The following SPIRE1 variants were observed in gnomAD, a reference collection of about 807,000 sequenced individuals.
The protein encoded by SPIRE1 is protein spire homolog 1.
A neutral mutation model predicts 94.1 loss-of-function variants in SPIRE1; 40 were observed. That is an observed-to-expected ratio of 0.43 (90% CI 0.33 to 0.55). The LOEUF is 0.55. Among genes scored for constraint, SPIRE1 ranks in the 20% least tolerant of loss-of-function variants. The pLI, the probability that SPIRE1 is intolerant of heterozygous loss-of-function variation, is 0.06. For missense variants in SPIRE1, 838 were observed against 975.2 expected (o/e 0.86, Z 1.87); for synonymous variants, 376 against 371.7 (o/e 1.01, Z -0.13).
At chr18:12,456,478 C>T (rs1321327112) in intron 12 of SPIRE1, among the ~76,000 whole-genome samples, 1 of 152,066 alleles carries the variant, frequency 6.6e-6, no homozygotes, top group African/African-American at 2.4e-5. Context: ...TGATGGCTAA[C>T]GATATGACAA....
chr18:12,467,290 C>T (rs998486371), intron 10 of SPIRE1, among the ~76,000 whole-genome samples: 1 of 151,962 alleles, frequency 6.6e-6, no homozygotes, highest in Non-Finnish European at 1.5e-5. Flanking sequence ...AAAACAAAAA[C>T]CAAAAAACCC....
At chr18:12,550,400 C>T (rs1567926930) in intron 2 of SPIRE1, among the ~76,000 whole-genome samples, 1 of 151,980 alleles carries the variant, frequency 6.6e-6, no homozygotes, top group East Asian at 1.9e-4. Flanking sequence ...GTTATTTCTT[C>T]TTTTTTTTCT....
intron 6 of SPIRE1, among the ~76,000 whole-genome samples, chr18:12,496,756 C>A (rs1018384913): frequency 4.6e-5 from 7 of 152,126 alleles, no homozygotes; most frequent in Non-Finnish European, 5.9e-5. Context: ...GTAGTCCCAG[C>A]TACTCAGGAG....
intron 4 of SPIRE1, among the ~76,000 whole-genome samples, chr18:12,520,841 A>G (rs1441893966): frequency 2.0e-5 from 3 of 152,170 alleles, no homozygotes; most frequent in African/African-American, 7.2e-5. Context: ...TGATTAAAAT[A>G]CCCTTCAATC....
In SPIRE1 at chr18:12,446,626, C is replaced by G. The variant is rs188493531; in HGVS notation, c.*3012G>C. 4 of 152,154 alleles carry G rather than the reference C, an allele frequency of 2.6e-5. No individual in the cohort carries two copies. The highest frequency in any genetic ancestry group is 1.3e-4 in the Admixed American group (2 of 15,278). The allele number at this position is 152,154 out of a possible 1,614,324, so 9.4% of individuals were successfully genotyped here. On this transcript the variant is annotated 3_prime_UTR_variant, in exon 17 of 17. Coordinates refer to ENST00000409402, the MANE Select transcript of SPIRE1 (RefSeq NM_001128626.2). ...CCAGCAATACCTCGACTTTTACACA[C>G]GCAGGAAGCCTAGTAAAAGCCCCGT...
chr18:12,512,113 C>G (rs1030950379), intron 5 of SPIRE1, among the ~76,000 whole-genome samples: 1 of 151,984 alleles, frequency 6.6e-6, no homozygotes, highest in African/African-American at 2.4e-5. Flanking sequence ...GCCTGTAATC[C>G]CAGCACTTTG....
intron 2 of SPIRE1, among the ~76,000 whole-genome samples, chr18:12,570,446 C>CA (rs1430592207): frequency 6.6e-6 from 1 of 152,156 alleles, no homozygotes; most frequent in Non-Finnish European, 1.5e-5. Flanking sequence ...GCTTCATTAC[C>CA]AAAATCCCCT....
intron 1 of SPIRE1, among the ~76,000 whole-genome samples, chr18:12,640,732 C>T (rs537632916): frequency 6.6e-6 from 1 of 152,206 alleles, no homozygotes; most frequent in Admixed American, 6.5e-5. Context: ...GAATCTGTTC[C>T]GGAAGCAGGA....
At chr18:12,452,205 G>A (rs749554658) in intron 16 of SPIRE1, 50 bp downstream of exon 16, 2 of 1,608,164 alleles carry the variant, frequency 1.2e-6, no homozygotes, top group Non-Finnish European at 1.7e-6. Context: ...CTCAAGAGTA[G>A]AACTCTTCTT....
In SPIRE1 at chr18:12,512,664, T is replaced by C. The variant is rs1015123968; in HGVS notation, c.730-133A>G. The C allele has an allele frequency of 5.8e-5, 36 of 619,248 alleles. 1 individual carries two copies. The Middle Eastern group carries it at 1.5e-3, about 26-fold the overall frequency. The allele number at this position is 619,248 out of a possible 1,614,324, so 38.4% of individuals were successfully genotyped here. On this transcript the variant is annotated intron_variant, in intron 4 of 16. Coordinates refer to ENST00000409402, the MANE Select transcript of SPIRE1 (RefSeq NM_001128626.2). ...AGATGGTACAGAATCTATTGCTCCG[T>C]AAACTCTAGGGCCAATTAAAATGGA...
intron 11 of SPIRE1, 53 bp from the exon 12 acceptor site, chr18:12,463,546 A>G: frequency 7.0e-7 from 1 of 1,427,600 alleles, no homozygotes; most frequent in Non-Finnish European, 9.7e-7. Context: ...CTAACACAAA[A>G]CCTTTTGACA....
intron 2 of SPIRE1, among the ~76,000 whole-genome samples, chr18:12,575,108 T>C (rs1262774290): frequency 6.6e-6 from 1 of 152,152 alleles, no homozygotes; most frequent in East Asian, 1.9e-4. Flanking sequence ...TCAGTCTGTC[T>C]TTTAAGACCA....
At chr18:12,567,882 C>A (rs1275713758) in intron 2 of SPIRE1, among the ~76,000 whole-genome samples, 2 of 152,188 alleles carry the variant, frequency 1.3e-5, no homozygotes, top group Non-Finnish European at 2.9e-5. Context: ...CTACGTTTCC[C>A]ATTTCACTTC....
intron 10 of SPIRE1, among the ~76,000 whole-genome samples, chr18:12,470,954 G>C (rs186540228): frequency 6.6e-6 from 1 of 151,892 alleles, no homozygotes; most frequent in Non-Finnish European, 1.5e-5. Context: ...TATAGTTTCA[G>C]GGGCCAGTCT....
chr18:12,500,757 T>C (rs2033625635), intron 6 of SPIRE1, among the ~76,000 whole-genome samples: 1 of 152,046 alleles, frequency 6.6e-6, no homozygotes, highest in South Asian at 2.1e-4. Flanking sequence ...AAACAAAATA[T>C]ATCTGTATAG....
chr18:12,480,047 G>T (rs1307965675), intron 9 of SPIRE1, among the ~76,000 whole-genome samples, 176 bp from the exon 10 acceptor site: 1 of 152,110 alleles, frequency 6.6e-6, no homozygotes, highest in Non-Finnish European at 1.5e-5. Context: ...TCAATTAAAG[G>T]AAACTTTAAA....
At chr18:12,518,555 T>C (rs954298912) in intron 4 of SPIRE1, among the ~76,000 whole-genome samples, 4 of 151,390 alleles carry the variant, frequency 2.6e-5, no homozygotes, top group African/African-American at 7.3e-5. Flanking sequence ...CAGTGTCTCA[T>C]GCCTGTAGTC....
At chr18:12,509,948 G>T (rs2033974456) in intron 5 of SPIRE1, among the ~76,000 whole-genome samples, 1 of 152,004 alleles carries the variant, frequency 6.6e-6, no homozygotes, top group Non-Finnish European at 1.5e-5. Context: ...AGCTGGGTGT[G>T]GTGGTGCGCA....
chr18:12,634,055 T>C (rs2144812833), intron 2 of SPIRE1, among the ~76,000 whole-genome samples: 1 of 152,166 alleles, frequency 6.6e-6, no homozygotes, highest in Non-Finnish European at 1.5e-5. Context: ...GAGACCATCC[T>C]GGCTAACACG....
Sources: gnomAD v4.1 joint callset for allele counts (sites outside exome capture counted in the v4.1 genomes callset) on GRCh38, gnomAD v4.1.1 for gene constraint, MANE v1.5 for transcripts, NCBI Gene and HGNC (gene_info 2026-07-23, HGNC 2026-07-21) for gene names.